CYP2C19: variants seen among roughly 807,000 people sequenced by gnomAD.
CYP2C19 encodes the protein cytochrome P450 family 2 subfamily C member 19.
CYP2C19 carries 59 observed loss-of-function variants against 40.9 expected under a neutral mutation model. The observed-to-expected ratio is 1.44, with a 90% CI of 1.17 to 1.79. The LOEUF is 1.79. Among genes scored for constraint, CYP2C19 ranks in the 40% most tolerant of loss-of-function variants. CYP2C19 has a pLI of 0.00. For missense variants in CYP2C19, 754 were observed against 596.9 expected (o/e 1.26, Z -2.74); for synonymous variants, 253 against 208.7 (o/e 1.21, Z -1.83).
intron 7 of CYP2C19, among the ~76,000 whole-genome samples, chr10:94,844,441 AT>A (rs1849542841): frequency 7.2e-6 from 1 of 138,930 alleles, no homozygotes; most frequent in African/African-American, 2.4e-5. Context: ...CTTGAGACCA[AT>A]TTTTGTCTTG....
At chr10:94,799,882 G>A (rs1014111993) in intron 5 of CYP2C19, among the ~76,000 whole-genome samples, 6 of 151,896 alleles carry the variant, frequency 4.0e-5, no homozygotes, top group Non-Finnish European at 8.8e-5. Flanking sequence ...TCTCTACACT[G>A]TTCTAGTTAG....
intron 6 of CYP2C19, among the ~76,000 whole-genome samples, chr10:94,829,701 A>G (rs1216895097): frequency 6.6e-6 from 1 of 152,020 alleles, no homozygotes; most frequent in Non-Finnish European, 1.5e-5. Flanking sequence ...CTGGTGAGGA[A>G]CTACGTTCCT....
chr10:94,803,081 T>C (rs762157737), intron 5 of CYP2C19, among the ~76,000 whole-genome samples: 26 of 152,162 alleles, frequency 1.7e-4, no homozygotes, highest in Admixed American at 2.6e-4. Flanking sequence ...TTATTTAGGG[T>C]TCATTGCTGG....
At chr10:94,827,297 T>C (rs1322092461) in intron 6 of CYP2C19, among the ~76,000 whole-genome samples, 1 of 152,080 alleles carries the variant, frequency 6.6e-6, no homozygotes, top group Non-Finnish European at 1.5e-5. Context: ...GGTCCTGGAC[T>C]CTTTTTGGTT....
Position 94,837,312 on chromosome 10 carries a change from G to C in CYP2C19, c.962-5525G>C, listed in dbSNP as rs534632317. Among the ~76,000 whole-genome samples the C allele has an allele frequency of 5.6e-4, 85 of 152,276 alleles. 1 individual carries two copies. Among genetic ancestry groups the C allele is most frequent in the African/African-American group, 1.9e-3 (80 of 41,540 alleles). On this transcript the variant is annotated intron_variant, in intron 6 of 8. Coordinates refer to ENST00000371321, the MANE Select transcript of CYP2C19 (RefSeq NM_000769.4). The stretch of plus-strand genomic sequence containing the variant: ...GGAGTCCTTGTTGGGCCTTGGGTCT[G>C]AGGGGGTGCTGCCTTTGGTAGGGAA...
At chr10:94,837,115 A>T (rs1310088628) in intron 6 of CYP2C19, among the ~76,000 whole-genome samples, 2 of 152,188 alleles carry the variant, frequency 1.3e-5, no homozygotes, top group Non-Finnish European at 2.9e-5. Flanking sequence ...AAAGCAGAGT[A>T]TAAGGGCTGG....
At chr10:94,779,466 G>A (rs1458242824) in intron 3 of CYP2C19, among the ~76,000 whole-genome samples, 2 of 151,770 alleles carry the variant, frequency 1.3e-5, no homozygotes, top group African/African-American at 4.8e-5. Flanking sequence ...GAGATGATGG[G>A]CATTTAATTC....
chr10:94,848,587 T>C (rs1228085770), intron 7 of CYP2C19, among the ~76,000 whole-genome samples: 1 of 152,218 alleles, frequency 6.6e-6, no homozygotes, highest in East Asian at 1.9e-4. Flanking sequence ...ATATGAACTT[T>C]AAAGTAGTTT....
At chr10:94,766,621 T>C (rs1180328749) in intron 1 of CYP2C19, among the ~76,000 whole-genome samples, 2 of 152,124 alleles carry the variant, frequency 1.3e-5, no homozygotes, top group East Asian at 3.9e-4. Context: ...CACTTATCTT[T>C]TTTAAGGAGG....
At chr10:94,837,296 G>T (rs990222673) in intron 6 of CYP2C19, among the ~76,000 whole-genome samples, 2 of 152,184 alleles carry the variant, frequency 1.3e-5, no homozygotes, top group African/African-American at 4.8e-5. Context: ...TGGAGTCCTT[G>T]TTGGGCCTTG....
chr10:94,765,255 T>G (rs1373369811), intron 1 of CYP2C19, among the ~76,000 whole-genome samples: 1 of 152,040 alleles, frequency 6.6e-6, no homozygotes, highest in East Asian at 1.9e-4. Context: ...TTTGCACTGA[T>G]GGAGTTGAGT....
chr10:94,837,871 C>T (rs1432371673), intron 6 of CYP2C19, among the ~76,000 whole-genome samples: 2 of 148,074 alleles, frequency 1.4e-5, no homozygotes, highest in African/African-American at 5.0e-5. Context: ...GGGGCAGTGG[C>T]CCTTCCAGTG....
intron 5 of CYP2C19, among the ~76,000 whole-genome samples, chr10:94,790,072 T>C (rs1158284477): frequency 6.6e-6 from 1 of 152,128 alleles, no homozygotes; most frequent in Non-Finnish European, 1.5e-5. Flanking sequence ...CCTTTGTAAT[T>C]TGGATTCCTA....
rs1481115937 is a variant in CYP2C19, at chr10:94,798,563, A to T, written c.819+16566A>T. On this transcript the variant is annotated intron_variant, in intron 5 of 8. Transcript: ENST00000371321. ...GATATCTTTGTTAACCTTTTGTCTC[A>T]TTGATCTGTTTAACATTGACAGTAG... Among the ~76,000 whole-genome samples the T allele has an allele frequency of 2.0e-5, 3 of 152,020 alleles. No individual in the cohort carries two copies. In the South Asian group the frequency reaches 6.2e-4, roughly 31 times the overall value.
rs375436571 is a variant in CYP2C19, at chr10:94,827,806, C to T, written c.961+7169C>T. ...GCCTTCTCTTGTGGGCATTTAGTGC[C>T]ATAAATTTCCCTCTACACACTGTTT... On this transcript the variant is annotated intron_variant, in intron 6 of 8. Transcript: ENST00000371321. 2.0e-5 allele frequency among the ~76,000 whole-genome samples: 3 copies of T among 152,068 alleles called. No individual in the cohort carries two copies. In the South Asian group the frequency reaches 6.3e-4, roughly 32 times the overall value.
rs187093173 is a variant in CYP2C19, at chr10:94,848,080, T to A, written c.1150-1837T>A. On this transcript the variant is annotated intron_variant, in intron 7 of 8. Transcript: ENST00000371321. ...TTGCTGTGCAGAAGCTCTTTAGTTT[T>A]ATTAGATCCCATTTGTCAATTTTGG... Among the ~76,000 whole-genome samples, 436 of 152,212 alleles carry A rather than the reference T, an allele frequency of 2.9e-3. 3 individuals are homozygous for A. The highest frequency in any genetic ancestry group is 9.5e-3 in the African/African-American group (395 of 41,542).
At chr10:94,830,289 G>C (rs1343158862) in intron 6 of CYP2C19, among the ~76,000 whole-genome samples, 1 of 152,238 alleles carries the variant, frequency 6.6e-6, no homozygotes, top group Non-Finnish European at 1.5e-5. Context: ...TCAGACTGCT[G>C]TGCTAGCAAT....
chr10:94,820,691 G>A, intron 6 of CYP2C19, 54 bp downstream of exon 6: 2 of 1,605,562 alleles, frequency 1.2e-6, no homozygotes, highest in Non-Finnish European at 1.7e-6. Flanking sequence ...TTGGGAAGGT[G>A]CTGCTAGTGT....
chr10:94,842,339 T>C (rs1849507570), intron 6 of CYP2C19, among the ~76,000 whole-genome samples: 1 of 151,960 alleles, frequency 6.6e-6, no homozygotes, highest in African/African-American at 2.4e-5. Flanking sequence ...CTTTGGAATG[T>C]ACTGTCTCAT....
Sources: gnomAD v4.1 joint callset for allele counts (sites outside exome capture counted in the v4.1 genomes callset) on GRCh38, gnomAD v4.1.1 for gene constraint, MANE v1.5 for transcripts, NCBI Gene and HGNC (gene_info 2026-07-23, HGNC 2026-07-21) for gene names.